The following PCDH9 variants were observed in gnomAD, a reference collection of about 807,000 sequenced individuals.
PCDH9 encodes protocadherin-9.
A neutral mutation model predicts 70.6 loss-of-function variants in PCDH9; 24 were observed. That is an observed-to-expected ratio of 0.34 (90% CI 0.25 to 0.48). PCDH9 has a LOEUF of 0.48. Ranked by LOEUF, PCDH9 falls within the 20% of genes least tolerant of loss-of-function variation. The pLI, the probability that PCDH9 is intolerant of heterozygous loss-of-function variation, is 0.99. For synonymous variants in PCDH9, 562 were observed against 558.5 expected (o/e 1.01, Z -0.09); for missense variants, 1,281 against 1,503.6 (o/e 0.85, Z 2.45).
intron 4 of PCDH9, among the ~76,000 whole-genome samples, chr13:66,486,962 C>T (rs1958954087): frequency 6.6e-6 from 1 of 152,134 alleles, no homozygotes; most frequent in Admixed American, 6.5e-5. Flanking sequence ...TTAAAAAATT[C>T]TATGGAACCA....
At chr13:66,370,000 G>A (rs938810141) in intron 4 of PCDH9, among the ~76,000 whole-genome samples, 4 of 152,022 alleles carry the variant, frequency 2.6e-5, no homozygotes, top group South Asian at 2.1e-4. Flanking sequence ...AAATGTGTAC[G>A]TTTTGCTAAG....
At chr13:66,445,483 A>AT (rs567325329) in intron 4 of PCDH9, among the ~76,000 whole-genome samples, 87 of 144,024 alleles carry the variant, frequency 6.0e-4, no homozygotes, top group African/African-American at 2.1e-3. Flanking sequence ...ATATACACAT[A>AT]AAATATATAC....
At chr13:66,404,758 T>C (rs1293943074) in intron 4 of PCDH9, among the ~76,000 whole-genome samples, 1 of 152,150 alleles carries the variant, frequency 6.6e-6, no homozygotes, top group Non-Finnish European at 1.5e-5. Flanking sequence ...TCAATATTTT[T>C]ACTCACATCT....
intron 2 of PCDH9, among the ~76,000 whole-genome samples, chr13:67,037,025 A>G (rs1457222192): frequency 3.9e-5 from 6 of 152,178 alleles, no homozygotes; most frequent in African/African-American, 1.4e-4. Context: ...TACACCCAGC[A>G]CTAGGCTGGA....
chr13:66,377,134 G>A (rs1956762785), intron 4 of PCDH9, among the ~76,000 whole-genome samples: 1 of 152,104 alleles, frequency 6.6e-6, no homozygotes, highest in Admixed American at 6.6e-5. Context: ...ATATAATTGG[G>A]CCAGAATTGT....
rs1051750383 is a variant in PCDH9 at position 67,117,874 on chromosome 13, A to C, written c.3036+107531T>G. 2.0e-5 allele frequency among the ~76,000 whole-genome samples: 3 copies of C among 152,300 alleles called. No individual in the cohort carries two copies. In the East Asian group the frequency reaches 5.8e-4, roughly 29 times the overall value. On this transcript the variant is annotated intron_variant, in intron 2 of 4. Coordinates refer to ENST00000377865, the MANE Select transcript of PCDH9 (RefSeq NM_203487.3). ...AGATATCCCACAAAATACAAGAACT[A>C]CTCAGTGACTGTCCCCCAAAAGGAC... is the stretch of plus-strand genomic sequence containing the variant.
intron 3 of PCDH9, among the ~76,000 whole-genome samples, chr13:66,803,581 C>T (rs539479683): frequency 6.6e-6 from 1 of 152,236 alleles, no homozygotes; most frequent in South Asian, 2.1e-4. Context: ...AAGCACTCCC[C>T]TTCTTTTGGC....
At chr13:67,007,246 T>C (rs1477663652) in intron 2 of PCDH9, among the ~76,000 whole-genome samples, 1 of 152,062 alleles carries the variant, frequency 6.6e-6, no homozygotes, top group African/African-American at 2.4e-5. Flanking sequence ...TGGTATTGAA[T>C]ATTGTACAGC....
chr13:66,934,558 G>GAAAAAGAAAAAGAGAAAGAAAAGAA (rs752213385), intron 2 of PCDH9, among the ~76,000 whole-genome samples: 2 of 134,818 alleles, frequency 1.5e-5, no homozygotes, highest in South Asian at 2.3e-4. Flanking sequence ...AAAAAAAAAA[G>GAAAAAGAAAAAGAGAAAGAAAAGAA]AAAAAGAAAA....
chr13:66,668,594 A>C (rs941727515), intron 3 of PCDH9, among the ~76,000 whole-genome samples: 3 of 152,168 alleles, frequency 2.0e-5, no homozygotes, highest in Admixed American at 2.0e-4. Context: ...TGATTTAAGC[A>C]ATTCATAGTA....
intron 2 of PCDH9, among the ~76,000 whole-genome samples, chr13:66,915,448 G>A (rs577920976): frequency 6.6e-6 from 1 of 151,508 alleles, no homozygotes; most frequent in East Asian, 1.9e-4. Flanking sequence ...ACTCACATAG[G>A]TATTTTTTTC....
At chr13:66,676,908 T>G (rs9571619) in intron 3 of PCDH9, among the ~76,000 whole-genome samples, 44,563 of 152,000 alleles carry the variant, frequency 0.29, 7,896 homozygotes, top group East Asian at 0.56. Context: ...AAAGAATTAA[T>G]GTTTGTTTTC....
chr13:66,445,773 A>G (rs1958076247), intron 4 of PCDH9, among the ~76,000 whole-genome samples: 1 of 146,194 alleles, frequency 6.8e-6, no homozygotes, highest in Non-Finnish European at 1.5e-5. Flanking sequence ...ACACATATAT[A>G]TTATATATAC....
chr13:67,092,299 G>T (rs996809224), intron 2 of PCDH9, among the ~76,000 whole-genome samples: 19 of 152,028 alleles, frequency 1.2e-4, no homozygotes. Flanking sequence ...ATCCCTGGCA[G>T]ATTTTTAAAA....
chr13:67,145,738 A>T (rs1478732205), intron 2 of PCDH9, among the ~76,000 whole-genome samples: 2 of 151,752 alleles, frequency 1.3e-5, no homozygotes, highest in Admixed American at 1.3e-4. Context: ...AAGGCAAATT[A>T]CTCCTAGATG....
chr13:67,003,122 G>C (rs1016032052), intron 2 of PCDH9, among the ~76,000 whole-genome samples: 2 of 151,842 alleles, frequency 1.3e-5, no homozygotes, highest in African/African-American at 4.8e-5. Flanking sequence ...GGTTGACCTG[G>C]TTTATTTAAG....
intron 4 of PCDH9, among the ~76,000 whole-genome samples, chr13:66,523,748 C>T (rs1261669820): frequency 6.6e-6 from 1 of 151,730 alleles, no homozygotes; most frequent in Non-Finnish European, 1.5e-5. Context: ...AATATGATTA[C>T]CATTATCACA....
intron 2 of PCDH9, among the ~76,000 whole-genome samples, chr13:66,961,961 G>A (rs760678034): frequency 6.6e-6 from 1 of 151,944 alleles, no homozygotes; most frequent in Non-Finnish European, 1.5e-5. Flanking sequence ...TGAGACAGGA[G>A]AATTGCTTGA....
chr13:67,104,587 C>T (rs1566427349), intron 2 of PCDH9, among the ~76,000 whole-genome samples: 1 of 151,580 alleles, frequency 6.6e-6, no homozygotes, highest in South Asian at 2.1e-4. Flanking sequence ...CTCGCTCTGT[C>T]GCCCAGGCTG....
Sources: gnomAD v4.1 joint callset for allele counts (sites outside exome capture counted in the v4.1 genomes callset) on GRCh38, gnomAD v4.1.1 for gene constraint, MANE v1.5 for transcripts, NCBI Gene and HGNC (gene_info 2026-07-23, HGNC 2026-07-21) for gene names.